TGS1: variants seen among roughly 807,000 people sequenced by gnomAD.
The protein encoded by TGS1 is trimethylguanosine synthase 1, also known as trimethylguanosine synthase.
TGS1 carries 69 observed loss-of-function variants against 92.2 expected under a neutral mutation model. That is an observed-to-expected ratio of 0.75 (90% confidence interval 0.62 to 0.91). The LOEUF is 0.91. Ranked by LOEUF, TGS1 falls within the 40% of genes least tolerant of loss-of-function variation. TGS1 has a pLI of 0.00. For synonymous variants in TGS1, 345 were observed against 338.1 expected (o/e 1.02, Z -0.22); for missense variants, 1,062 against 1,001.2 (o/e 1.06, Z -0.82).
chr8:55,801,588 T>C (rs1330293101), intron 8 of TGS1, among the ~76,000 whole-genome samples: 1 of 120,328 alleles, frequency 8.3e-6, no homozygotes, highest in African/African-American at 3.4e-5. Context: ...CGTTCTTTTT[T>C]TTTTTTTTTT....
chr8:55,811,592 T>C (rs1261053510), intron 11 of TGS1, among the ~76,000 whole-genome samples: 1 of 151,822 alleles, frequency 6.6e-6, no homozygotes, highest in Non-Finnish European at 1.5e-5. Flanking sequence ...AAACCTCATC[T>C]CTACTAAAAA....
intron 5 of TGS1, among the ~76,000 whole-genome samples, chr8:55,792,000 A>G (rs543288394): frequency 5.4e-4 from 83 of 152,304 alleles, no homozygotes; most frequent in Non-Finnish European, 1.3e-4. Flanking sequence ...GCTTCTGGAA[A>G]AACAAGCGTG....
intron 1 of TGS1, 71 bp downstream of exon 1, chr8:55,773,790 G>A (rs1012811391): frequency 8.8e-6 from 11 of 1,251,482 alleles, no homozygotes; most frequent in Non-Finnish European, 1.2e-5. Context: ...TTGCAAACGT[G>A]GTTGTAATTG....
chr8:55,810,686 C>T (rs1410554230), intron 10 of TGS1, among the ~76,000 whole-genome samples, 195 bp from the exon 11 acceptor site: 2 of 152,184 alleles, frequency 1.3e-5, no homozygotes, highest in Admixed American at 6.5e-5. Context: ...TTTCTTGGTA[C>T]AACACAGTGA....
At chr8:55,798,428 A>G (rs1812121097) in intron 7 of TGS1, among the ~76,000 whole-genome samples, 1 of 152,178 alleles carries the variant, frequency 6.6e-6, no homozygotes, top group Non-Finnish European at 1.5e-5. Flanking sequence ...GACTGCTTCT[A>G]TTCTTACAGA....
rs777223705 is a variant in TGS1, at chr8:55,785,831, C to T, written c.279C>T (p.Leu93=). ...DESELDSEAE[L]MRSMGLPLQF... The stretch of plus-strand genomic sequence containing the variant: ...GTGAACTTGATTCTGAGGCTGAACT[C>T]ATGAGAAGTATGGGATTGCCACTTC... The change falls in exon 3 of 13, where the codon CTC becomes CTT. Residue 93 remains leucine (L), a synonymous_variant. Coordinates refer to ENST00000260129, the MANE Select transcript of TGS1 (RefSeq NM_024831.8). 2 of 1,613,874 alleles carry T rather than the reference C, an allele frequency of 1.2e-6. No individual in the cohort carries two copies. Among genetic ancestry groups the T allele is most frequent in the African/African-American group, 2.7e-5 (2 of 74,916 alleles).
intron 11 of TGS1, among the ~76,000 whole-genome samples, 153 bp downstream of exon 11, chr8:55,811,250 G>T (rs1047556321): frequency 2.0e-5 from 3 of 151,718 alleles, no homozygotes; most frequent in African/African-American, 7.3e-5. Flanking sequence ...ATCACCTGAG[G>T]TCAGGAGTTC....
rs1017685100 is a variant in TGS1, at chr8:55,795,920, A to G, written c.1368-58A>G. The G allele has an allele frequency of 7.7e-6, 10 of 1,300,406 alleles. No homozygotes were observed. In the African/African-American group the frequency reaches 9.0e-5, roughly 12 times the overall value. 80.6% of individuals were successfully genotyped at this position (1,300,406 alleles called of 1,614,324 possible). ...AATGTTAGTTTCATCCTCTTTTCCT[A>G]TAAGGAAATATAATCCTAGAATTTA... is the stretch of plus-strand genomic sequence containing the variant. On this transcript the variant is annotated intron_variant, in intron 6 of 12. Transcript: ENST00000260129.
intron 12 of TGS1, among the ~76,000 whole-genome samples, chr8:55,823,119 T>C (rs1803694713): frequency 6.6e-6 from 1 of 152,212 alleles, no homozygotes; most frequent in African/African-American, 2.4e-5. Context: ...TTCCTCTTAC[T>C]GCCCTGAAAA....
chr8:55,810,757 A>C, intron 10 of TGS1, 124 bp from the exon 11 acceptor site: 1 of 768,380 alleles, frequency 1.3e-6, no homozygotes, highest in Admixed American at 2.4e-5. Flanking sequence ...TATGTGGCCA[A>C]ATGTCTCCTC....
chr8:55,795,030 T>C (rs1377204475), intron 6 of TGS1, among the ~76,000 whole-genome samples: 4 of 152,232 alleles, frequency 2.6e-5, no homozygotes, highest in African/African-American at 9.6e-5. Context: ...CTTAGGTGTT[T>C]CAAGGCAATT....
At chr8:55,782,153 T>A (rs201552934) in intron 1 of TGS1, among the ~76,000 whole-genome samples, 320 of 4,832 alleles carry the variant, frequency 0.066, 3 homozygotes, top group African/African-American at 0.4. Context: ...ACACTTTATT[T>A]ATTTATTTAT....
rs1282469013 is a variant in TGS1, at chr8:55,773,633, G to C, written c.15G>C (p.Lys5Asn). MCCE[K>N]WSRVAEMFLF... ...GAAGTGGTAAAATGTGCTGCGAGAA[G>C]TGGAGCCGCGTGGCGGAAATGTTTC... The change falls in exon 1 of 13, where the codon AAG (lysine) becomes AAC (asparagine). Residue 5 changes from lysine (K) to asparagine (N), a missense_variant. Physicochemically the swap from Lys to Asn is moderately conservative, Grantham distance 94. Coordinates refer to ENST00000260129, the MANE Select transcript of TGS1 (RefSeq NM_024831.8). 29 of 1,611,392 alleles carry C rather than the reference G, an allele frequency of 1.8e-5. No individual in the cohort carries two copies. Among genetic ancestry groups the C allele is most frequent in the Non-Finnish European group, 2.5e-5 (29 of 1,179,034 alleles).
intron 10 of TGS1, among the ~76,000 whole-genome samples, chr8:55,810,416 G>A (rs1320680046): frequency 6.6e-6 from 1 of 152,208 alleles, no homozygotes; most frequent in Non-Finnish European, 1.5e-5. Context: ...TTGTAAAAAT[G>A]TGTTTTATTT....
Position 55,773,505 on chromosome 8 carries a change from T to G in TGS1, c.-114T>G, listed in dbSNP as rs543907954. On this transcript the variant is annotated 5_prime_UTR_variant, in exon 1 of 13. Coordinates refer to ENST00000260129, the MANE Select transcript of TGS1 (RefSeq NM_024831.8). Reference sequence around the variant, plus strand: ...GCGAGCGGCCGCGGGCCAGTTTCTATCTCCTCATCCAGGGCTTGCGGGCGA... The same window carrying G: ...GCGAGCGGCCGCGGGCCAGTTTCTAGCTCCTCATCCAGGGCTTGCGGGCGA... 4.2e-6 allele frequency: 3 copies of G among 722,584 alleles called. No homozygotes were observed. The highest frequency in any genetic ancestry group is 4.0e-5 in the South Asian group (2 of 49,968). 44.8% of individuals were successfully genotyped at this position (722,584 alleles called of 1,614,324 possible).
intron 2 of TGS1, among the ~76,000 whole-genome samples, chr8:55,785,487 C>A (rs1811681749): frequency 1.3e-5 from 2 of 152,038 alleles, no homozygotes; most frequent in Admixed American, 1.3e-4. Context: ...ACTGACTGAG[C>A]CCGGGAGTTC....
chr8:55,790,815 G>A (rs900399439), intron 5 of TGS1, among the ~76,000 whole-genome samples: 6 of 152,050 alleles, frequency 3.9e-5, no homozygotes, highest in South Asian at 4.1e-4. Flanking sequence ...CACCACACCC[G>A]GCCTAAGTAC....
intron 12 of TGS1, among the ~76,000 whole-genome samples, chr8:55,819,208 T>C (rs771483811): frequency 6.6e-5 from 10 of 151,940 alleles, no homozygotes; most frequent in Non-Finnish European, 1.5e-4. Context: ...AGTTCTGGGA[T>C]TACGGGCATG....
At chr8:55,792,578 A>G (rs565887060) in intron 5 of TGS1, 120 bp from the exon 6 acceptor site, 44 of 627,138 alleles carry the variant, frequency 7.0e-5, no homozygotes, top group African/African-American at 4.7e-4. Flanking sequence ...TTTGTGAACT[A>G]TGGTTGACTA....
Sources: gnomAD v4.1 joint callset for allele counts (sites outside exome capture counted in the v4.1 genomes callset) on GRCh38, gnomAD v4.1.1 for gene constraint, MANE v1.5 for transcripts, NCBI Gene and HGNC (gene_info 2026-07-23, HGNC 2026-07-21) for gene names.